ZNF560: variants seen among roughly 807,000 people sequenced by gnomAD.
ZNF560 encodes zinc finger protein 560.
Under a neutral mutation model 81.8 loss-of-function variants are expected in ZNF560, and 54 were observed. The observed-to-expected ratio is 0.66, with a 90% confidence interval of 0.53 to 0.83. The LOEUF (loss-of-function observed/expected upper bound fraction) is 0.83. Among genes scored for constraint, ZNF560 ranks in the 40% least tolerant of loss-of-function variants. The pLI is 0.00. For synonymous variants in ZNF560, 321 were observed against 317.9 expected, an observed-to-expected ratio of 1.01 and a Z score of -0.10; for missense variants, 940 against 932.4, an observed-to-expected ratio of 1.01 and a Z score of -0.11.
intron 2 of ZNF560, among the ~76,000 whole-genome samples, chr19:9,497,066 A>G (rs1329368985): frequency 2.0e-5 from 3 of 151,970 alleles, no homozygotes; most frequent in African/African-American, 7.3e-5. Context: ...CAGTGAGCCA[A>G]TATCATGCCA....
chr19:9,451,612 T>C, the ZNF560 span, among the ~76,000 whole-genome samples: 1 of 152,108 alleles, frequency 6.6e-6, no homozygotes, highest in Non-Finnish European at 1.5e-5. Context: ...CAAAAATTGA[T>C]AAGTAGGACC....
At chr19:9,495,855 AT>A (rs1283134990) in intron 2 of ZNF560, among the ~76,000 whole-genome samples, 1 of 152,222 alleles carries the variant, frequency 6.6e-6, no homozygotes, top group African/African-American at 2.4e-5. Context: ...ACTAAAATCT[AT>A]TTTCAGATGT....
intron 2 of ZNF560, among the ~76,000 whole-genome samples, chr19:9,488,711 G>A (rs1225330478): frequency 6.6e-6 from 1 of 152,136 alleles, no homozygotes; most frequent in Non-Finnish European, 1.5e-5. Context: ...AGGTTAAAAT[G>A]TTAACATTAG....
chr19:9,464,740 G>A (rs769067230), downstream of ZNF560, among the ~76,000 whole-genome samples: 4 of 152,206 alleles, frequency 2.6e-5, no homozygotes, highest in Non-Finnish European at 5.9e-5. Flanking sequence ...CCCAGAGGAT[G>A]TATAGCAACT....
At chr19:9,455,931 A>T in the ZNF560 span, among the ~76,000 whole-genome samples, 1 of 152,234 alleles carries the variant, frequency 6.6e-6, no homozygotes, top group Non-Finnish European at 1.5e-5. Flanking sequence ...TGTAGAAAAA[A>T]TCAGAGGGTC....
At chr19:9,486,723 AGAGT>A (rs2073389555) in intron 2 of ZNF560, among the ~76,000 whole-genome samples, 1 of 151,860 alleles carries the variant, frequency 6.6e-6, no homozygotes, top group African/African-American at 2.4e-5. Context: ...CTGGGTAACA[AGAGT>A]GAGACTCTGT....
chr19:9,479,171 T>C (rs1339384339), intron 2 of ZNF560, among the ~76,000 whole-genome samples: 1 of 150,662 alleles, frequency 6.6e-6, no homozygotes, highest in Non-Finnish European at 1.5e-5. Context: ...TGGGATTTTT[T>C]TTTTCCAAAA....
At chr19:9,484,402 T>C (rs2073352587) in intron 2 of ZNF560, among the ~76,000 whole-genome samples, 1 of 151,968 alleles carries the variant, frequency 6.6e-6, no homozygotes, top group African/African-American at 2.4e-5. Context: ...AAATGACCTG[T>C]GTCTGAATTG....
At chr19:9,471,214 A>T in intron 6 of ZNF560, 82 bp downstream of exon 6, 1 of 1,045,386 alleles carries the variant, frequency 9.6e-7, no homozygotes, top group Non-Finnish European at 1.4e-6. Flanking sequence ...CCTCTCAATT[A>T]TCTTTTGTGC....
chr19:9,483,581 T>TG (rs1339876475), intron 2 of ZNF560, among the ~76,000 whole-genome samples: 1 of 120,722 alleles, frequency 8.3e-6, no homozygotes, highest in Non-Finnish European at 1.7e-5. Flanking sequence ...GGGAGGGGGG[T>TG]GGGGGGTCAG....
At chr19:9,487,488 C>T (rs997046027) in intron 2 of ZNF560, among the ~76,000 whole-genome samples, 7 of 152,164 alleles carry the variant, frequency 4.6e-5, no homozygotes, top group African/African-American at 1.7e-4. Context: ...CTTGCAATTA[C>T]ACTTTGAGAG....
chr19:9,455,234 T>A, the ZNF560 span, among the ~76,000 whole-genome samples: 1 of 152,148 alleles, frequency 6.6e-6, no homozygotes, highest in African/African-American at 2.4e-5. Flanking sequence ...AGGCTATCAA[T>A]CAGTATGGAC....
At chr19:9,447,932 T>C in the ZNF560 span, among the ~76,000 whole-genome samples, 1 of 151,962 alleles carries the variant, frequency 6.6e-6, no homozygotes, top group Non-Finnish European at 1.5e-5. Flanking sequence ...AGGTCAACGC[T>C]AGAGAAAAAA....
downstream of ZNF560, among the ~76,000 whole-genome samples, chr19:9,461,984 T>A (rs1413054244): frequency 1.3e-5 from 2 of 152,230 alleles, no homozygotes; most frequent in Admixed American, 1.3e-4. Context: ...GTGATTTCTA[T>A]GATGGTTGTG....
Position 9,466,451 on chromosome 19 carries a change from C to A in ZNF560, c.*123G>T. The A allele has an allele frequency of 1.1e-6, 1 of 874,898 alleles. No homozygotes were observed. Among genetic ancestry groups the A allele is most frequent in the Admixed American group, 2.7e-5 (1 of 36,650 alleles). 54.2% of individuals were successfully genotyped at this position (874,898 alleles called of 1,614,324 possible). ...ACATATCTAGAAAGATTCAACTGTT[C>A]AGGCTTTCTCACATTCCTTACATTG... is the stretch of plus-strand genomic sequence containing the variant. On this transcript the variant is annotated 3_prime_UTR_variant, in exon 10 of 10. Transcript: ENST00000301480.
At chr19:9,504,515 C>T in the ZNF560 span, among the ~76,000 whole-genome samples, 1 of 152,186 alleles carries the variant, frequency 6.6e-6, no homozygotes, top group East Asian at 1.9e-4. Context: ...TGAAGATGTT[C>T]CATGTGAACT....
chr19:9,460,829 T>C, the ZNF560 span, among the ~76,000 whole-genome samples: 3 of 152,316 alleles, frequency 2.0e-5, no homozygotes, highest in East Asian at 5.8e-4. Context: ...AAGATTGCAT[T>C]GCAGGACAGG....
chr19:9,493,158 G>T (rs753895206), intron 2 of ZNF560, among the ~76,000 whole-genome samples: 3 of 152,084 alleles, frequency 2.0e-5, no homozygotes, highest in African/African-American at 7.2e-5. Flanking sequence ...AAAAATTACC[G>T]TAGAAAAAAG....
chr19:9,494,923 C>T (rs1285443940), intron 2 of ZNF560, among the ~76,000 whole-genome samples: 1 of 143,640 alleles, frequency 7.0e-6, no homozygotes, highest in Non-Finnish European at 1.5e-5. Context: ...AACAAACAAA[C>T]AAAACAAACA....
Sources: allele counts gnomAD v4.1 joint callset (sites outside exome capture counted in the v4.1 genomes callset), GRCh38; gene constraint gnomAD v4.1.1; transcripts MANE v1.5; gene names NCBI Gene and HGNC (gene_info 2026-07-23, HGNC 2026-07-21).